Variants in TH observed in about 807,000 individuals in gnomAD.
TH encodes the protein tyrosine 3-monooxygenase.
In TH, 49 loss-of-function variants were observed where a neutral mutation model predicts 57.4. The observed-to-expected ratio is 0.85, with a 90% CI of 0.68 to 1.08. TH has a LOEUF of 1.08. Ranked by LOEUF, TH falls within the 50% of genes least tolerant of loss-of-function variation. The probability of loss-of-function intolerance (pLI) is 0.00; values close to 1 mark genes in which losing one functional copy is unlikely to be tolerated. For missense variants in TH, 720 were observed against 696.7 expected (o/e 1.03, Z -0.38); for synonymous variants, 330 against 304.5 (o/e 1.08, Z -0.87).
intron 5 of TH, 63 bp downstream of exon 5, chr11:2,167,803 C>A: frequency 1.3e-6 from 2 of 1,527,006 alleles, no homozygotes; most frequent in Non-Finnish European, 1.8e-6. Flanking sequence ...TTCCCTCCCA[C>A]CCCCCAGGTC....
Position 2,166,721 on chromosome 11 carries a change from GGGC to G in TH, c.886_888del (p.Ala296del). 1 of 1,551,448 alleles carries G rather than the reference GGGC, an allele frequency of 6.4e-7. No homozygotes were observed. Among genetic ancestry groups the G allele is most frequent in the Non-Finnish European group, 8.7e-7 (1 of 1,147,592 alleles). On this transcript the variant is annotated inframe_deletion, in exon 8 of 13. Transcript: ENST00000352909. ...AAGGCCAGGCTGGCCAGGAAGTCCC[GGGC>G]GGACAGCAGGCCGGCCACAGGCCGC...
rs879371609 is a variant in TH at position 2,170,160 on chromosome 11, A to G, written c.91-289T>C. Among the ~76,000 whole-genome samples the G allele has an allele frequency of 6.6e-6, 1 of 152,142 alleles. No individual in the cohort carries two copies. On this transcript the variant is annotated intron_variant, in intron 1 of 12. Transcript: ENST00000352909. The surrounding 1 kb of genome is among the most constrained non-coding windows in gnomAD (Gnocchi z 6.0). ...TCCCCACTCTGTGGCGAGCAGACAGACAGAGACGCTGTGTCACTCATCCCC... is the reference window on the plus strand; with the variant it reads ...TCCCCACTCTGTGGCGAGCAGACAGGCAGAGACGCTGTGTCACTCATCCCC...
chr11:2,165,655 G>A lies in TH; in HGVS notation c.1200+13C>T. 6.2e-7 allele frequency: 1 copy of A among 1,612,196 alleles called. No homozygotes were observed. Among genetic ancestry groups the A allele is most frequent in the Non-Finnish European group, 8.5e-7 (1 of 1,179,564 alleles). The stretch of plus-strand genomic sequence containing the variant: ...CCCCTCTGCTGGGGGCTGCAGCAAG[G>A]AGAGACTCTCACCAGGAGCTCCCCG... On this transcript the variant is annotated intron_variant, in intron 11 of 12. Coordinates refer to ENST00000352909, the MANE Select transcript of TH (RefSeq NM_000360.4).
intron 2 of TH, among the ~76,000 whole-genome samples, 179 bp downstream of exon 2, chr11:2,169,470 CG>C (rs1357483414): frequency 1.3e-5 from 2 of 152,092 alleles, no homozygotes; most frequent in South Asian, 2.1e-4. Flanking sequence ...CTCAAAAACA[CG>C]GGGGTGTGGC....
At chr11:2,167,826 G>T in intron 5 of TH, 40 bp downstream of exon 5, 1 of 1,567,152 alleles carries the variant, frequency 6.4e-7, no homozygotes, top group Non-Finnish European at 8.7e-7. Flanking sequence ...GCGTCAGCCT[G>T]CAGGACGGAG....
Position 2,165,712 on chromosome 11 carries a change from T to C in TH, c.1156A>G (p.Lys386Glu), listed in dbSNP as rs1846071121. The C allele has an allele frequency of 6.2e-7, 1 of 1,612,488 alleles. No individual in the cohort carries two copies. Among genetic ancestry groups the C allele is most frequent in the African/African-American group, 1.3e-5 (1 of 74,836 alleles). The change falls in exon 11 of 13, where the codon AAG (lysine) becomes GAG (glutamate). Residue 386 changes from lysine (K) to glutamate (E), a missense_variant. Coordinates refer to ENST00000352909, the MANE Select transcript of TH (RefSeq NM_000360.4). ...FGLCKQNGEV[K>E]AYGAGLLSSY... ...GACAGCAGCCCGGCACCATAGGCCT[T>C]CACCTCCCCGTTCTGCTTACACAGC...
In TH at chr11:2,167,187, G is replaced by C. The variant is rs962287239; in HGVS notation, c.696-155C>G. On this transcript the variant is annotated intron_variant, in intron 6 of 12. Coordinates refer to ENST00000352909, the MANE Select transcript of TH (RefSeq NM_000360.4). ...CAGGCCCCCGGGAGGGGCTTTTGCT[G>C]GTGGCTTTAGGGAATCCCAGGGGAT... is the stretch of plus-strand genomic sequence containing the variant. 6.7e-6 allele frequency: 8 copies of C among 1,202,716 alleles called. No individual in the cohort carries two copies. The Admixed American group carries it at 1.4e-4, about 22-fold the overall frequency. The allele number at this position is 1,202,716 out of a possible 1,614,324, so 74.5% of individuals were successfully genotyped here. A position where few individuals can be genotyped will look rare whatever the true frequency, so the allele number is the denominator to read the frequency against.
At position 2,170,794 on chromosome 11, in the gene TH, G is replaced by T; in HGVS notation, c.90+903C>A. The stretch of plus-strand genomic sequence containing the variant: ...CCCTGGGGAGGGGATGCCTGATGGG[G>T]AGCCTGGTGGGGGAGGGTAGGGGAG... On this transcript the variant is annotated intron_variant, in intron 1 of 12. Coordinates refer to ENST00000352909, the MANE Select transcript of TH (RefSeq NM_000360.4). This position sits in a 1 kb window ranked among gnomAD's most constrained non-coding sequence, Gnocchi z 6.0. The T allele has an allele frequency of 8.6e-7, 1 of 1,160,712 alleles. No homozygotes were observed. Among genetic ancestry groups the T allele is most frequent in the South Asian group, 1.4e-5 (1 of 73,850 alleles). 71.9% of individuals were successfully genotyped at this position (1,160,712 alleles called of 1,614,324 possible).
Position 2,166,758 on chromosome 11 carries a change from GC to G in TH, c.851del (p.Gly284AlafsTer102). On this transcript the variant is annotated frameshift_variant, in exon 8 of 13. Transcript: ENST00000352909. LOFTEE classifies it high-confidence loss of function. ...GGCCGGCCACAGGCCGCAGCTGGAAGCCCGTGCGCTCTGCAAGGGGCCACGC... is the reference window on the plus strand; with the variant it reads ...GGCCGGCCACAGGCCGCAGCTGGAAGCCGTGCGCTCTGCAAGGGGCCACGC... The part of the protein sequence containing the change: ...DVSRFLKERT[G>X]FQLRPVAGLL... 6.5e-7 allele frequency: 1 copy of G among 1,549,214 alleles called. No homozygotes were observed. Among genetic ancestry groups the G allele is most frequent in the Non-Finnish European group, 8.7e-7 (1 of 1,146,500 alleles).
intron 4 of TH, 48 bp from the exon 5 acceptor site, chr11:2,167,981 G>A (rs918380671): frequency 6.2e-7 from 1 of 1,609,254 alleles, no homozygotes; most frequent in Non-Finnish European, 8.5e-7. Flanking sequence ...CTGGGGTGGG[G>A]GCACAGGCCA....
Position 2,164,098 on chromosome 11 carries a change from G to A in TH, c.*135C>T, listed in dbSNP as rs1347143870. 22 of 763,534 alleles carry A rather than the reference G, an allele frequency of 2.9e-5. No individual in the cohort carries two copies. Among genetic ancestry groups the A allele is most frequent in the South Asian group, 1.1e-4 (3 of 26,506 alleles). The allele number at this position is 763,534 out of a possible 1,614,324, so 47.3% of individuals were successfully genotyped here. A position where few individuals can be genotyped will look rare whatever the true frequency, so the allele number is the denominator to read the frequency against. On this transcript the variant is annotated 3_prime_UTR_variant, in exon 13 of 13. Transcript: ENST00000352909. ...ACACAGCTGTTGCGCTGAGAAGCAG[G>A]TGCAGGGGCAGTGGGAGCCTGGCAG...
intron 4 of TH, 24 bp from the exon 5 acceptor site, chr11:2,167,957 G>T (rs750035050): frequency 5.0e-6 from 8 of 1,610,744 alleles, no homozygotes; most frequent in Admixed American, 1.7e-5. Context: ...GGATGCACGG[G>T]TCAGGAGGCT....
rs748282342 is a variant in TH, at chr11:2,168,495, G to C, written c.483C>G (p.Pro161=). Residue 161 remains proline, a synonymous_variant, in exon 3 of 13, where the codon CCC becomes CCG. Transcript: ENST00000352909. ...VSEDVRSPAG[P]KVPWFPRKVS... is the part of the protein sequence containing the mutation. ...AAGGACAGAAAACCGCCTCACCCTT[G>C]GGCCCCGCGGGGCTGCGCACGTCCT... 4 of 1,612,296 alleles carry C rather than the reference G, an allele frequency of 2.5e-6. No homozygotes were observed. Among genetic ancestry groups the C allele is most frequent in the Non-Finnish European group, 3.4e-6 (4 of 1,179,822 alleles).
Position 2,166,893 on chromosome 11 carries a change from G to GGAAGC in TH, c.830_834dup (p.Leu279AlafsTer3). On this transcript the variant is annotated frameshift_variant, in exon 7 of 13. Transcript: ENST00000352909. LOFTEE classifies it high-confidence loss of function. Reference sequence around the variant, plus strand: ...CCCTCCCGTCTGGGCACACCCTTCAGGAAGCGGGAGACGTCCTCCAGCTGG... The same window carrying GGAAGC: ...CCCTCCCGTCTGGGCACACCCTTCAGGAAGCGAAGCGGGAGACGTCCTCCAGCTGG... 1 of 1,605,398 alleles carries GGAAGC rather than the reference G, an allele frequency of 6.2e-7. No homozygotes were observed. The highest frequency in any genetic ancestry group is 8.5e-7 in the Non-Finnish European group (1 of 1,176,984).
chr11:2,171,566 G>T lies in TH; in HGVS notation c.90+131C>A. 1 of 960,496 alleles carries T rather than the reference G, an allele frequency of 1.0e-6. No homozygotes were observed. The highest frequency in any genetic ancestry group is 1.6e-6 in the Non-Finnish European group (1 of 627,778). 59.5% of individuals were successfully genotyped at this position (960,496 alleles called of 1,614,324 possible). A position where few individuals can be genotyped will look rare whatever the true frequency, so the allele number is the denominator to read the frequency against. ...GCTGTGCCCAGGCCTCCACATCCAC[G>T]CCGCGTCCCAGGGGTTTGCATGGAC... On this transcript the variant is annotated intron_variant, in intron 1 of 12. Coordinates refer to ENST00000352909, the MANE Select transcript of TH (RefSeq NM_000360.4). The surrounding 1 kb of genome is among the most constrained non-coding windows in gnomAD (Gnocchi z 8.6).
At chr11:2,168,390 G>T in intron 3 of TH, 101 bp downstream of exon 3, 5 of 1,519,238 alleles carry the variant, frequency 3.3e-6, no homozygotes, top group Non-Finnish European at 4.5e-6. Flanking sequence ...AGGGAACCAG[G>T]CCACCACCAC....
In TH at chr11:2,168,153, C is replaced by G. The variant is rs1458619518; in HGVS notation, c.514G>C (p.Glu172Gln). Residue 172 changes from glutamate (E) to glutamine (Q), a missense_variant, in exon 4 of 13, where the codon GAG becomes CAG. Transcript: ENST00000352909. ...ACCAGGTGATGACACTTGTCCAGCT[C>G]TGACACTTTTCTTGGGAACCAGGGG... is the stretch of plus-strand genomic sequence containing the variant. Reference protein sequence around the residue: ...KVPWFPRKVSELDKCHHLVTK... With the variant: ...KVPWFPRKVSQLDKCHHLVTK... 6.2e-7 allele frequency: 1 copy of G among 1,613,636 alleles called. No individual in the cohort carries two copies. Among genetic ancestry groups the G allele is most frequent in the Non-Finnish European group, 8.5e-7 (1 of 1,180,022 alleles).
rs779596561 is a variant in TH, at chr11:2,166,456, G to C, written c.1047+24C>G. 2.6e-6 allele frequency: 4 copies of C among 1,555,668 alleles called. No homozygotes were observed. In the South Asian group the frequency reaches 3.5e-5, roughly 14 times the overall value. On this transcript the variant is annotated intron_variant, in intron 9 of 12. Coordinates refer to ENST00000352909, the MANE Select transcript of TH (RefSeq NM_000360.4). ...CCAAGCCAGCCCCTGGGTGACCCCG[G>C]CTCCCTCCGAGGCCGCGGCGTACCT...
Position 2,166,560 on chromosome 11 carries a change from G to A in TH, c.978-11C>T, listed in dbSNP as rs757722738. 8.1e-6 allele frequency: 13 copies of A among 1,599,618 alleles called. No individual in the cohort carries two copies. The highest frequency in any genetic ancestry group is 6.8e-6 in the Non-Finnish European group (8 of 1,175,164). ...TCGTGGCAGCAGTCCCTGCGCGTAG[G>A]AGGGAGAAGGGGGCTGAGGGGCCGC... On this transcript the variant is annotated splice_polypyrimidine_tract_variant and intron_variant, in intron 8 of 12. Coordinates refer to ENST00000352909, the MANE Select transcript of TH (RefSeq NM_000360.4).
Sources: allele counts gnomAD v4.1 joint callset (sites outside exome capture counted in the v4.1 genomes callset), GRCh38; gene constraint gnomAD v4.1.1; non-coding constraint Gnocchi (gnomAD v3.1); transcripts MANE v1.5; gene names NCBI Gene and HGNC (gene_info 2026-07-23, HGNC 2026-07-21).